STAM2: variants seen among roughly 807,000 people sequenced by gnomAD.
STAM2 encodes the protein signal transducing adapter molecule 2.
In STAM2, 51 loss-of-function variants were observed where a neutral mutation model predicts 65.6. That is an observed-to-expected ratio of 0.78 (90% CI 0.62 to 0.98). STAM2 has a LOEUF of 0.98. STAM2 is among the 50% of genes least tolerant of loss of function. The pLI is 0.00. For missense variants in STAM2, 584 were observed against 617.8 expected (o/e 0.95, Z 0.58); for synonymous variants, 198 against 208.4 (o/e 0.95, Z 0.43).
chr2:152,175,752 G>T lies in STAM2; in HGVS notation c.-110C>A. ...CCTAGACCGCTCCGCTTCGGCCTCC[G>T]TCCCTGCACTTCCGCCACCGCACCT... is the stretch of plus-strand genomic sequence containing the variant. On this transcript the variant is annotated 5_prime_UTR_variant, in exon 1 of 14. Transcript: ENST00000263904. 19 of 1,199,750 alleles carry T rather than the reference G, an allele frequency of 1.6e-5. No homozygotes were observed. The highest frequency in any genetic ancestry group is 6.0e-5 in the Admixed American group (3 of 50,026). The allele number at this position is 1,199,750 out of a possible 1,614,324, so 74.3% of individuals were successfully genotyped here.
chr2:152,174,846 T>C (rs1689983191), intron 1 of STAM2, among the ~76,000 whole-genome samples: 1 of 152,226 alleles, frequency 6.6e-6, no homozygotes, highest in African/African-American at 2.4e-5. Context: ...CAGTTTGTTT[T>C]AGTGTTACTC....
chr2:152,174,729 T>C (rs1689977861), intron 1 of STAM2, among the ~76,000 whole-genome samples: 1 of 152,180 alleles, frequency 6.6e-6, no homozygotes, highest in South Asian at 2.1e-4. Context: ...TAGTCCCAGC[T>C]ACTCGGGAAG....
rs748519911 is a variant in STAM2 at position 152,147,143 on chromosome 2, G to A, written c.447+19C>T. The stretch of plus-strand genomic sequence containing the variant: ...CAAAATATTATAGGGTCAACCATGG[G>A]TCTGAATAAATCTCTCACCTGAGAA... On this transcript the variant is annotated intron_variant, in intron 5 of 13. Transcript: ENST00000263904. The A allele has an allele frequency of 3.8e-6, 6 of 1,591,172 alleles. No homozygotes were observed. In the African/African-American group the frequency reaches 4.1e-5, roughly 11 times the overall value.
chr2:152,170,959 G>A (rs538694251), intron 1 of STAM2, among the ~76,000 whole-genome samples: 1 of 152,286 alleles, frequency 6.6e-6, no homozygotes, highest in East Asian at 1.9e-4. Flanking sequence ...TTACACCACT[G>A]CACTCCAGCC....
At chr2:152,126,755 G>A (rs1169486412) in intron 11 of STAM2, among the ~76,000 whole-genome samples, 2 of 152,076 alleles carry the variant, frequency 1.3e-5, no homozygotes, top group Admixed American at 6.5e-5. Flanking sequence ...TTGGGTGTCC[G>A]AAAAAAATCA....
chr2:152,122,136 G>A (rs745765573), intron 13 of STAM2, among the ~76,000 whole-genome samples: 6 of 151,164 alleles, frequency 4.0e-5, no homozygotes, highest in East Asian at 3.9e-4. Flanking sequence ...TATGCCCAGC[G>A]GTTTTAGGGC....
chr2:152,163,160 A>T (rs1045788403), intron 1 of STAM2, among the ~76,000 whole-genome samples: 1 of 152,240 alleles, frequency 6.6e-6, no homozygotes, highest in Non-Finnish European at 1.5e-5. Context: ...TGTTGCAAGA[A>T]GTCAGGGACC....
At position 152,133,263 on chromosome 2, in the gene STAM2, A is replaced by G; in HGVS notation, c.883-3T>C. 1 of 1,602,386 alleles carries G rather than the reference A, an allele frequency of 6.2e-7. No individual in the cohort carries two copies. On this transcript the variant is annotated splice_region_variant and splice_polypyrimidine_tract_variant and intron_variant, in intron 9 of 13. Coordinates refer to ENST00000263904, the MANE Select transcript of STAM2 (RefSeq NM_005843.6). ...TGCAGGGCTCTATCCATCTTATCCT[A>G]AAAAAGTAACAGGACACTTTTCAAA...
chr2:152,170,733 C>T (rs560570893), intron 1 of STAM2, among the ~76,000 whole-genome samples: 2 of 152,048 alleles, frequency 1.3e-5, no homozygotes, highest in South Asian at 2.1e-4. Context: ...CGGTGGCTCA[C>T]GCCTGTAATC....
At chr2:152,124,307 A>G (rs750122746) in intron 12 of STAM2, 16 of 171,062 alleles carry the variant, frequency 9.4e-5, no homozygotes, top group Non-Finnish European at 1.8e-4. Context: ...TAAAGTCACT[A>G]TAAGAATGAT....
intron 11 of STAM2, among the ~76,000 whole-genome samples, chr2:152,126,703 C>A (rs1266157372): frequency 7.0e-6 from 1 of 142,908 alleles, no homozygotes; most frequent in Admixed American, 7.4e-5. Context: ...GAGGCTACTT[C>A]CTTTGCAAAC....
intron 1 of STAM2, among the ~76,000 whole-genome samples, chr2:152,164,473 G>C (rs954168880): frequency 1.3e-5 from 2 of 151,964 alleles, no homozygotes; most frequent in African/African-American, 4.8e-5. Context: ...CTCTTGAGTA[G>C]CCGGGATTAC....
chr2:152,117,428 G>A lies in STAM2; in HGVS notation c.*3146C>T, dbSNP rs1257601910. 1.3e-5 allele frequency: 2 copies of A among 152,066 alleles called. No homozygotes were observed. Among genetic ancestry groups the A allele is most frequent in the African/African-American group, 2.4e-5 (1 of 41,418 alleles). The allele number at this position is 152,066 out of a possible 1,614,324, so 9.4% of individuals were successfully genotyped here. On this transcript the variant is annotated 3_prime_UTR_variant, in exon 14 of 14. Coordinates refer to ENST00000263904, the MANE Select transcript of STAM2 (RefSeq NM_005843.6). ...CCTATCTCAGGCTCCCAAAGTGCTG[G>A]GATTATAGGCATGAGCCACTGTATC... is the stretch of plus-strand genomic sequence containing the variant.
In STAM2 at chr2:152,120,751, G is replaced by C. The variant is rs189330735; in HGVS notation, c.1401C>G (p.Asn467Lys). 3.7e-6 allele frequency: 6 copies of C among 1,614,184 alleles called. No homozygotes were observed. The highest frequency in any genetic ancestry group is 4.2e-6 in the Non-Finnish European group (5 of 1,180,030). The change falls in exon 14 of 14, where the codon AAC becomes AAG. Residue 467 changes from asparagine (N) to lysine (K), a missense_variant. Asn to Lys is a moderately conservative substitution (Grantham distance 94). Coordinates refer to ENST00000263904, the MANE Select transcript of STAM2 (RefSeq NM_005843.6). The part of the protein sequence containing the change: ...SNPTYMNQNS[N>K]LQSATGTTAY... ...CAGTTGTACCAGTAGCTGACTGTAG[G>C]TTAGAGTTCTGGTTCATATAAGTAG...
At chr2:152,131,774 A>G (rs1480026184) in intron 11 of STAM2, 3 of 252,046 alleles carry the variant, frequency 1.2e-5, no homozygotes, top group Non-Finnish European at 2.3e-5. Context: ...TACAGTGGCA[A>G]TGATGGGCAC....
In STAM2 at chr2:152,143,874, A is replaced by G; in HGVS notation, c.657T>C (p.Asn219=). ...ALYDFEAVED[N]ELTFKHGEII... ...TTTCACCATGTTTAAAGGTGAGTTCATTGTCCTCAACAGCTTCAAAATCAT... is the reference window on the plus strand; with the variant it reads ...TTTCACCATGTTTAAAGGTGAGTTCGTTGTCCTCAACAGCTTCAAAATCAT... Residue 219 remains asparagine (N), a synonymous_variant, in exon 7 of 14, where the codon AAT becomes AAC. Transcript: ENST00000263904. 5 of 1,613,248 alleles carry G rather than the reference A, an allele frequency of 3.1e-6. No individual in the cohort carries two copies. Among genetic ancestry groups the G allele is most frequent in the Non-Finnish European group, 4.2e-6 (5 of 1,179,710 alleles).
At chr2:152,147,082 A>C in intron 5 of STAM2, 80 bp downstream of exon 5, 1 of 1,320,690 alleles carries the variant, frequency 7.6e-7, no homozygotes, top group East Asian at 2.6e-5. Context: ...TAATCTAGAC[A>C]TACCTTGCCT....
chr2:152,122,178 C>T (rs1375468415), intron 13 of STAM2, among the ~76,000 whole-genome samples: 1 of 151,666 alleles, frequency 6.6e-6, no homozygotes, highest in Non-Finnish European at 1.5e-5. Context: ...TTAATCCCAG[C>T]ATTTTGGGAG....
chr2:152,173,077 A>G (rs866128865), intron 1 of STAM2, among the ~76,000 whole-genome samples: 7 of 151,718 alleles, frequency 4.6e-5, no homozygotes, highest in Non-Finnish European at 8.8e-5. Context: ...TTCCTCCATT[A>G]GATTGAGAGT....
Sources: gnomAD v4.1 joint callset for allele counts (sites outside exome capture counted in the v4.1 genomes callset) on GRCh38, gnomAD v4.1.1 for gene constraint, MANE v1.5 for transcripts, NCBI Gene and HGNC (gene_info 2026-07-23, HGNC 2026-07-21) for gene names.